Variants in BNC1 observed in about 807,000 individuals in gnomAD.
BNC1 encodes the protein basonuclin zinc finger protein 1.
BNC1 carries 8 observed loss-of-function variants against 66.5 expected under a neutral mutation model. That is an observed-to-expected ratio of 0.12 (90% confidence interval 0.07 to 0.22). BNC1 has a LOEUF of 0.22. BNC1 is among the 10% of genes least tolerant of loss of function. The probability of loss-of-function intolerance (pLI) is 1.00; values close to 1 mark genes in which losing one functional copy is unlikely to be tolerated. For missense variants in BNC1, 1,069 were observed against 1,241.3 expected, an observed-to-expected ratio of 0.86 and a Z score of 2.09; for synonymous variants, 454 against 452.6, an observed-to-expected ratio of 1.00 and a Z score of -0.04.
intron 1 of BNC1, among the ~76,000 whole-genome samples, chr15:83,272,365 G>A (rs1017322908): frequency 1.3e-4 from 19 of 148,088 alleles, no homozygotes; most frequent in Non-Finnish European, 5.9e-5. Context: ...TGAGTAGTTG[G>A]TATTACAGGC....
chr15:83,282,794 G>T (rs911403866), intron 1 of BNC1, among the ~76,000 whole-genome samples: 1 of 152,206 alleles, frequency 6.6e-6, no homozygotes, highest in Non-Finnish European at 1.5e-5. Flanking sequence ...TTGATGAAAA[G>T]AATATATTTT....
rs145537684 is a variant in BNC1, at chr15:83,258,113, G to A, written c.2314C>T (p.Leu772=). Residue 772 remains leucine, a synonymous_variant, in exon 5 of 5, where the codon CTA becomes TTA. Coordinates refer to ENST00000345382, the MANE Select transcript of BNC1 (RefSeq NM_001717.4). ...RRSRDRHSSN[L]NLHQKALSQE... ...CTCAATGCTTTTTGGTGGAGGTTTA[G>A]GTTTGAGCTGTGTCTACAAGAGTGA... is the stretch of plus-strand genomic sequence containing the variant. 2 of 1,600,652 alleles carry A rather than the reference G, an allele frequency of 1.2e-6. No individual in the cohort carries two copies. Among genetic ancestry groups the A allele is most frequent in the South Asian group, 2.2e-5 (2 of 90,592 alleles).
At chr15:83,279,263 G>A (rs1470532739) in intron 1 of BNC1, among the ~76,000 whole-genome samples, 1 of 152,122 alleles carries the variant, frequency 6.6e-6, no homozygotes, top group Non-Finnish European at 1.5e-5. Flanking sequence ...AAATACAGAT[G>A]AAATGAGACT....
chr15:83,283,045 C>T (rs1595944646), intron 1 of BNC1: 1 of 1,432,810 alleles, frequency 7.0e-7, no homozygotes, highest in Non-Finnish European at 9.5e-7. Flanking sequence ...GGGACGTTAC[C>T]GAACCCCCGA....
chr15:83,265,727 T>A (rs79634891), intron 3 of BNC1, among the ~76,000 whole-genome samples: 1 of 152,168 alleles, frequency 6.6e-6, no homozygotes, highest in South Asian at 2.1e-4. Context: ...TAAAAAGAAG[T>A]GAGTACAAAT....
chr15:83,259,868 TA>T, intron 4 of BNC1, among the ~76,000 whole-genome samples: 1 of 152,252 alleles, frequency 6.6e-6, no homozygotes, highest in Admixed American at 6.5e-5. Flanking sequence ...ACTACAACTG[TA>T]AAAACCCTCT....
At chr15:83,281,611 C>A (rs1314549854) in intron 1 of BNC1, among the ~76,000 whole-genome samples, 4 of 152,248 alleles carry the variant, frequency 2.6e-5, no homozygotes, top group African/African-American at 9.6e-5. Context: ...ACCTTCAGGG[C>A]ATCCCTTTTA....
chr15:83,275,371 C>G (rs2038309541), intron 1 of BNC1, among the ~76,000 whole-genome samples: 2 of 151,876 alleles, frequency 1.3e-5, no homozygotes, highest in Non-Finnish European at 2.9e-5. Flanking sequence ...TGGCGCATGC[C>G]TGTAATCCCA....
rs904291592 is a variant in BNC1 at position 83,257,941 on chromosome 15, C to T, written c.2486G>A (p.Ser829Asn). The part of the protein sequence containing the change: ...VIFKGTSRMG[S>N]LVYPITQVHS... Reference sequence around the variant, plus strand: ...GACTTGCGTTATTGGGTAAACCAGACTGCCCATTCGACTTGTTCCTTTGAA... The same window carrying T: ...GACTTGCGTTATTGGGTAAACCAGATTGCCCATTCGACTTGTTCCTTTGAA... Residue 829 changes from serine to asparagine, a missense_variant, in exon 5 of 5, where the codon AGT becomes AAT. This residue lies in a region of BNC1 where 657 missense variants were observed against 715.8 expected (regional missense o/e 0.92). Transcript: ENST00000345382. 6.2e-7 allele frequency: 1 copy of T among 1,614,166 alleles called. No homozygotes were observed. Among genetic ancestry groups the T allele is most frequent in the East Asian group, 2.2e-5 (1 of 44,874 alleles).
chr15:83,268,377 T>C (rs753503361), intron 1 of BNC1, 145 bp from the exon 2 acceptor site: 2 of 704,314 alleles, frequency 2.8e-6, no homozygotes, highest in Non-Finnish European at 4.8e-6. Context: ...GAAGTGTATA[T>C]TGTACTCTGG....
intron 1 of BNC1, among the ~76,000 whole-genome samples, chr15:83,270,308 G>GTTTTGTTCCTT (rs1408649520): frequency 6.6e-6 from 1 of 152,156 alleles, no homozygotes; most frequent in African/African-American, 2.4e-5. Context: ...AAAGGAACAT[G>GTTTTGTTCCTT]TACAATAATA....
At chr15:83,277,738 T>C (rs1389593913) in intron 1 of BNC1, among the ~76,000 whole-genome samples, 1 of 152,228 alleles carries the variant, frequency 6.6e-6, no homozygotes, top group African/African-American at 2.4e-5. Flanking sequence ...CTTTGGTGTC[T>C]AGGTGGAGAG....
chr15:83,273,401 G>A (rs1376978958), intron 1 of BNC1, among the ~76,000 whole-genome samples: 3 of 152,012 alleles, frequency 2.0e-5, no homozygotes, highest in East Asian at 3.9e-4. Context: ...AAATCAAAAC[G>A]GAAAACTCTT....
Position 83,257,611 on chromosome 15 carries a change from T to C in BNC1, c.2816A>G (p.Asn939Ser), listed in dbSNP as rs1202901445. 6 of 1,614,024 alleles carry C rather than the reference T, an allele frequency of 3.7e-6. No individual in the cohort carries two copies. Among genetic ancestry groups the C allele is most frequent in the Non-Finnish European group, 5.1e-6 (6 of 1,180,040 alleles). ...TCHLCQKTYS[N>S]KGTFRAHYKT... ...GTAGTGGGCCCTAAAGGTCCCTTTG[T>C]TACTGTATGTCTTTTGGCAGAGATG... is the stretch of plus-strand genomic sequence containing the variant. The change falls in exon 5 of 5, where the codon AAC becomes AGC. Residue 939 changes from asparagine (N) to serine (S), a missense_variant. By Grantham distance (46) the Asn-to-Ser change is conservative. Around this residue, in one of 7 missense-constraint regions of BNC1, gnomAD observed 657 missense variants for 715.8 expected, o/e 0.92. Transcript: ENST00000345382.
intron 1 of BNC1, among the ~76,000 whole-genome samples, chr15:83,269,054 T>A (rs1057417908): frequency 3.9e-5 from 6 of 152,072 alleles, no homozygotes; most frequent in Non-Finnish European, 7.4e-5. Context: ...TGAAACCCTA[T>A]CTCTACTAAA....
At chr15:83,279,179 A>AAT (rs1326077440) in intron 1 of BNC1, among the ~76,000 whole-genome samples, 2 of 152,148 alleles carry the variant, frequency 1.3e-5, no homozygotes, top group African/African-American at 2.4e-5. Flanking sequence ...TTCATATTAT[A>AAT]ATATATATGA....
chr15:83,261,736 G>T (rs1204506607), intron 4 of BNC1, among the ~76,000 whole-genome samples: 2 of 152,204 alleles, frequency 1.3e-5, no homozygotes, highest in East Asian at 3.9e-4. Context: ...TTGCCTGCGT[G>T]TGTGTGTCAT....
intron 4 of BNC1, among the ~76,000 whole-genome samples, chr15:83,261,013 G>A (rs117308829): frequency 0.01 from 1,536 of 152,184 alleles, 10 homozygotes; most frequent in Middle Eastern, 0.02. Context: ...AAATAGGTCA[G>A]AACATAAGGA....
chr15:83,268,377 T>A (rs753503361), intron 1 of BNC1, 145 bp from the exon 2 acceptor site: 9 of 704,198 alleles, frequency 1.3e-5, no homozygotes, highest in African/African-American at 3.6e-5. Context: ...GAAGTGTATA[T>A]TGTACTCTGG....
Sources: allele counts gnomAD v4.1 joint callset (sites outside exome capture counted in the v4.1 genomes callset), GRCh38; gene constraint gnomAD v4.1.1; regional missense constraint gnomAD v4.1.1; transcripts MANE v1.5; gene names NCBI Gene and HGNC (gene_info 2026-07-23, HGNC 2026-07-21).